GABRG3: variants seen among roughly 807,000 people sequenced by gnomAD.
GABRG3 encodes gamma-aminobutyric acid receptor subunit gamma-3.
Under a neutral mutation model 48.8 loss-of-function variants are expected in GABRG3, and 25 were observed. The observed-to-expected ratio is 0.51, with a 90% CI of 0.37 to 0.72. The LOEUF (loss-of-function observed/expected upper bound fraction) is 0.72. Ranked by LOEUF, GABRG3 falls within the 30% of genes least tolerant of loss-of-function variation. GABRG3 has a pLI of 0.00. For synonymous variants in GABRG3, 227 were observed against 217.6 expected (o/e 1.04, Z -0.38); for missense variants, 394 against 577.9 (o/e 0.68, Z 3.26).
At chr15:27,166,449 G>C (rs1015443200) in intron 3 of GABRG3, among the ~76,000 whole-genome samples, 1 of 152,128 alleles carries the variant, frequency 6.6e-6, no homozygotes, top group Non-Finnish European at 1.5e-5. Context: ...AGAGTGAAAG[G>C]TGTTTCTGTC....
At chr15:27,274,968 A>G (rs1448436536) in intron 3 of GABRG3, among the ~76,000 whole-genome samples, 1 of 152,202 alleles carries the variant, frequency 6.6e-6, no homozygotes, top group African/African-American at 2.4e-5. Flanking sequence ...TGGTAGACAT[A>G]AAGACCAACG....
chr15:27,497,731 TCCTAC>T (rs1351974888), intron 6 of GABRG3, among the ~76,000 whole-genome samples: 1 of 152,224 alleles, frequency 6.6e-6, no homozygotes, highest in Non-Finnish European at 1.5e-5. Flanking sequence ...TATGAGTGTT[TCCTAC>T]CCTATGAACA....
At chr15:27,061,431 A>T (rs1282335587) in intron 3 of GABRG3, among the ~76,000 whole-genome samples, 1 of 147,398 alleles carries the variant, frequency 6.8e-6, no homozygotes, top group African/African-American at 2.5e-5. Flanking sequence ...ACAATGCTCC[A>T]TTGAGGTAAC....
intron 3 of GABRG3, among the ~76,000 whole-genome samples, chr15:27,111,037 A>G (rs1897539978): frequency 6.6e-6 from 1 of 152,162 alleles, no homozygotes. Flanking sequence ...TGTTATATTA[A>G]TATATGACAT....
intron 2 of GABRG3, among the ~76,000 whole-genome samples, chr15:27,019,596 G>A (rs761065703): frequency 6.6e-6 from 1 of 152,188 alleles, no homozygotes; most frequent in Non-Finnish European, 1.5e-5. Context: ...TTCATCTGTG[G>A]ACATTAGCAG....
chr15:26,984,406 C>G (rs552667966), intron 2 of GABRG3, among the ~76,000 whole-genome samples: 1 of 152,108 alleles, frequency 6.6e-6, no homozygotes, highest in African/African-American at 2.4e-5. Context: ...GTTCATGTTG[C>G]GTGGAAGTAA....
chr15:27,106,141 G>A (rs896682976), intron 3 of GABRG3, among the ~76,000 whole-genome samples: 2 of 152,030 alleles, frequency 1.3e-5, no homozygotes, highest in African/African-American at 2.4e-5. Context: ...GAAGGAAATA[G>A]GGATGTGTAT....
At chr15:27,427,175 T>C (rs1262699522) in intron 5 of GABRG3, among the ~76,000 whole-genome samples, 2 of 152,352 alleles carry the variant, frequency 1.3e-5, no homozygotes, top group East Asian at 3.9e-4. Context: ...TTTATAGTAA[T>C]TGAGTTTTAA....
At chr15:27,005,500 A>G (rs1021153587) in intron 2 of GABRG3, among the ~76,000 whole-genome samples, 13 of 152,198 alleles carry the variant, frequency 8.5e-5, no homozygotes, top group Non-Finnish European at 1.9e-4. Context: ...CAATTACTAT[A>G]TAGGAAACAA....
At chr15:27,209,621 T>C (rs569214128) in intron 3 of GABRG3, among the ~76,000 whole-genome samples, 39 of 152,300 alleles carry the variant, frequency 2.6e-4, no homozygotes, top group African/African-American at 8.9e-4. Context: ...GGTGCTGGGC[T>C]GTGCCCAGGT....
At chr15:26,972,219 C>T (rs1369729174) in intron 1 of GABRG3, among the ~76,000 whole-genome samples, 1 of 152,144 alleles carries the variant, frequency 6.6e-6, no homozygotes, top group Admixed American at 6.6e-5. Context: ...CCATAAAGCA[C>T]GCATGTCGAA....
chr15:27,307,870 A>AAATAAACATGTTTATATATAAATATAT lies in GABRG3; in HGVS notation c.271-18938_271-18937insATAAACATGTTTATATATAAATATATA, dbSNP rs1218732567. ...ACATGTTTATATATAAATATATATAAATGTATATGTTTATATATAAAATAT... is the reference window on the plus strand; with the variant it reads ...ACATGTTTATATATAAATATATATAAAATAAACATGTTTATATATAAATATATATGTATATGTTTATATATAAAATAT... On this transcript the variant is annotated intron_variant, in intron 3 of 9. Coordinates refer to ENST00000615808, the MANE Select transcript of GABRG3 (RefSeq NM_033223.5). 2.7e-4 allele frequency among the ~76,000 whole-genome samples: 37 copies of AAATAAACATGTTTATATATAAATATAT among 135,036 alleles called. 1 individual carries two copies. The highest frequency in any genetic ancestry group is 9.7e-4 in the African/African-American group (36 of 36,978). The allele number at this position is 135,036 out of a possible 152,430, so 88.6% of individuals were successfully genotyped here. A position where few individuals can be genotyped will look rare whatever the true frequency, so the allele number is the denominator to read the frequency against.
chr15:27,113,220 A>G (rs1406177508), intron 3 of GABRG3, among the ~76,000 whole-genome samples: 1 of 151,918 alleles, frequency 6.6e-6, no homozygotes, highest in Non-Finnish European at 1.5e-5. Flanking sequence ...TTATCTCTTT[A>G]AGATCAATAA....
At chr15:27,327,174 C>G in intron 4 of GABRG3, 145 bp downstream of exon 4, 1 of 686,296 alleles carries the variant, frequency 1.5e-6, no homozygotes, top group Non-Finnish European at 2.5e-6. Context: ...GAAAGTCTGC[C>G]CTCATGCAAC....
rs1046365594 is a variant in GABRG3 at position 27,537,416 on chromosome 15, C to T, written c.*4535C>T. Reference sequence around the variant, plus strand: ...TTTTCTCAAATTGGCCTGGAGGAAACATTCAGGTTCAGAGAGTTTAGCAGT... The same window carrying T: ...TTTTCTCAAATTGGCCTGGAGGAAATATTCAGGTTCAGAGAGTTTAGCAGT... On this transcript the variant is annotated 3_prime_UTR_variant, in exon 10 of 10. Transcript: ENST00000615808. 3 of 152,108 alleles carry T rather than the reference C, an allele frequency of 2.0e-5. No homozygotes were observed. Among genetic ancestry groups the T allele is most frequent in the Non-Finnish European group, 4.4e-5 (3 of 68,026 alleles). 9.4% of individuals were successfully genotyped at this position (152,108 alleles called of 1,614,324 possible).
chr15:27,146,033 A>C (rs1311027449), intron 3 of GABRG3, among the ~76,000 whole-genome samples: 1 of 152,220 alleles, frequency 6.6e-6, no homozygotes, highest in African/African-American at 2.4e-5. Flanking sequence ...AAAATGAAGA[A>C]GTTAGACATC....
intron 5 of GABRG3, among the ~76,000 whole-genome samples, chr15:27,411,001 A>G (rs72705746): frequency 0.11 from 16,515 of 152,018 alleles, 943 homozygotes; most frequent in Middle Eastern, 0.22. Context: ...CATTAGGACC[A>G]TTTGTGCCTT....
chr15:27,189,177 GTTC>G (rs1328688259), intron 3 of GABRG3, among the ~76,000 whole-genome samples: 6 of 151,584 alleles, frequency 4.0e-5, no homozygotes, highest in Non-Finnish European at 8.9e-5. Context: ...CTCCAGCTTT[GTTC>G]TTTTGGCTTA....
intron 3 of GABRG3, among the ~76,000 whole-genome samples, chr15:27,253,743 G>T (rs115444491): frequency 2.0e-5 from 3 of 152,190 alleles, no homozygotes; most frequent in Non-Finnish European, 2.9e-5. Context: ...CTGGCAAGTC[G>T]GGGGCTCAGG....
Sources: allele counts gnomAD v4.1 joint callset (sites outside exome capture counted in the v4.1 genomes callset), GRCh38; gene constraint gnomAD v4.1.1; transcripts MANE v1.5; gene names NCBI Gene and HGNC (gene_info 2026-07-23, HGNC 2026-07-21).